STX6: variants seen among roughly 807,000 people sequenced by gnomAD.
The protein encoded by STX6 is syntaxin 6.
STX6 carries 23 observed loss-of-function variants against 38.0 expected under a neutral mutation model. That is an observed-to-expected ratio of 0.60 (90% CI 0.43 to 0.86). STX6 has a LOEUF of 0.86. Among genes scored for constraint, STX6 ranks in the 40% least tolerant of loss-of-function variants. The pLI is 0.00. For missense variants in STX6, 274 were observed against 312.9 expected, an observed-to-expected ratio of 0.88 and a Z score of 0.94; for synonymous variants, 123 against 107.5, an observed-to-expected ratio of 1.14 and a Z score of -0.89.
intron 7 of STX6, among the ~76,000 whole-genome samples, chr1:180,983,803 G>A (rs1255539216): frequency 5.9e-5 from 9 of 152,190 alleles, no homozygotes; most frequent in Middle Eastern, 3.4e-3. Flanking sequence ...GGTGGCTCAC[G>A]CCTGTAATCC....
chr1:180,991,373 T>A (rs536005936), intron 4 of STX6, among the ~76,000 whole-genome samples: 1 of 152,086 alleles, frequency 6.6e-6, no homozygotes, highest in Non-Finnish European at 1.5e-5. Context: ...ACTGAAAAGA[T>A]CCTGCTCATT....
intron 3 of STX6, among the ~76,000 whole-genome samples, chr1:180,995,801 C>T (rs938879754): frequency 6.6e-6 from 1 of 152,172 alleles, no homozygotes; most frequent in African/African-American, 2.4e-5. Context: ...GGGAAAGTGA[C>T]ATGTTAGCCT....
intron 7 of STX6, 114 bp from the exon 8 acceptor site, chr1:180,976,760 G>A: frequency 1.1e-6 from 1 of 950,428 alleles, no homozygotes; most frequent in Non-Finnish European, 1.6e-6. Flanking sequence ...ACGTGCAAAT[G>A]ACGGGGCCAT....
At chr1:180,993,907 T>G (rs1228286867) in intron 3 of STX6, among the ~76,000 whole-genome samples, 1 of 152,228 alleles carries the variant, frequency 6.6e-6, no homozygotes, top group Non-Finnish European at 1.5e-5. Context: ...TAAAAAACCA[T>G]GTGCTTTTAG....
chr1:181,022,108 C>T (rs1427689845), intron 1 of STX6, among the ~76,000 whole-genome samples: 1 of 151,974 alleles, frequency 6.6e-6, no homozygotes, highest in Non-Finnish European at 1.5e-5. Flanking sequence ...CCGCCCCCGC[C>T]TCCCTCCCAG....
intron 7 of STX6, among the ~76,000 whole-genome samples, chr1:180,980,151 G>A (rs1655361627): frequency 6.9e-6 from 1 of 143,932 alleles, no homozygotes; most frequent in African/African-American, 2.5e-5. Flanking sequence ...AAGTTGCAGT[G>A]AGCTGAGATC....
intron 1 of STX6, among the ~76,000 whole-genome samples, chr1:181,010,936 A>T (rs989819730): frequency 8.5e-5 from 13 of 152,204 alleles, no homozygotes; most frequent in Non-Finnish European, 1.5e-4. Context: ...GAAGTTGAGG[A>T]GTGTGCATGG....
chr1:180,981,262 T>C (rs1558086537), intron 7 of STX6, among the ~76,000 whole-genome samples: 1 of 152,132 alleles, frequency 6.6e-6, no homozygotes, highest in Non-Finnish European at 1.5e-5. Context: ...AGGGAAGTTA[T>C]GCATGGGGGA....
At chr1:181,013,710 T>G (rs1318637657) in intron 1 of STX6, among the ~76,000 whole-genome samples, 2 of 152,236 alleles carry the variant, frequency 1.3e-5, no homozygotes, top group Non-Finnish European at 2.9e-5. Flanking sequence ...TATCATGTCA[T>G]GGAGTCTGTA....
chr1:181,005,346 T>C lies in STX6; in HGVS notation c.153A>G (p.Arg51=). 6.2e-7 allele frequency: 1 copy of C among 1,614,128 alleles called. No individual in the cohort carries two copies. The highest frequency in any genetic ancestry group is 2.2e-5 in the East Asian group (1 of 44,876). The change falls in exon 2 of 8, where the codon AGA becomes AGG. Residue 51 remains arginine (R), a synonymous_variant. Transcript: ENST00000258301. ...EEIDWTTNEL[R]NNLRSIEWDL... The stretch of plus-strand genomic sequence containing the variant: ...CCCACTCTATGCTCCGGAGGTTATT[T>C]CTCAGCTCGTTGGTGGTCCAGTCGA...
rs1655807418 is a variant in STX6, at chr1:180,993,369, A to G, written c.357T>C (p.Asn119=). 1 of 1,562,412 alleles carries G rather than the reference A, an allele frequency of 6.4e-7. No individual in the cohort carries two copies. Among genetic ancestry groups the G allele is most frequent in the African/African-American group, 1.4e-5 (1 of 73,882 alleles). The change falls in exon 4 of 8, where the codon AAT becomes AAC. Residue 119 remains asparagine, a synonymous_variant. Transcript: ENST00000258301. ...TATTCTGATGTTTTCTCACCTGTCT[A>G]TTTTTTCTTTCAGCTAATGCCTGCA... ...SSVQALAERK[N]RQALLGDSGS... is the part of the protein sequence containing the mutation.
Position 181,006,740 on chromosome 1 carries a change from T to C in STX6, c.36-1277A>G, listed in dbSNP as rs1405990600. Among the ~76,000 whole-genome samples, 6 of 152,060 alleles carry C rather than the reference T, an allele frequency of 3.9e-5. No individual in the cohort carries two copies. In the South Asian group the frequency reaches 8.3e-4, roughly 21 times the overall value. On this transcript the variant is annotated intron_variant, in intron 1 of 7. Coordinates refer to ENST00000258301, the MANE Select transcript of STX6 (RefSeq NM_005819.6). ...CCTATACCCTCTGACGTTTCAAGTA[T>C]TGGAAAAAAGAAAGCGCTAACAAAA...
intron 7 of STX6, among the ~76,000 whole-genome samples, chr1:180,982,693 A>G (rs1395909237): frequency 6.6e-6 from 1 of 152,218 alleles, no homozygotes; most frequent in Non-Finnish European, 1.5e-5. Flanking sequence ...TACATACATG[A>G]GTGAGAGGCC....
intron 5 of STX6, chr1:180,988,626 G>A: frequency 3.1e-6 from 1 of 320,766 alleles, no homozygotes; most frequent in East Asian, 8.3e-5. Flanking sequence ...GTCCAATAAT[G>A]GAGCAGACAA....
At position 180,976,662 on chromosome 1, in the gene STX6, TGGGGATTAGCTCTCACAG is replaced by T. The variant is rs780927017; in HGVS notation, c.692-34_692-17del. 1 of 1,612,006 alleles carries T rather than the reference TGGGGATTAGCTCTCACAG, an allele frequency of 6.2e-7. No homozygotes were observed. Among genetic ancestry groups the T allele is most frequent in the Admixed American group, 1.7e-5 (1 of 60,018 alleles). On this transcript the variant is annotated splice_polypyrimidine_tract_variant and intron_variant, in intron 7 of 7. Coordinates refer to ENST00000258301, the MANE Select transcript of STX6 (RefSeq NM_005819.6). ...TGGCGCCGATCTGGAAGGCAGGACA[TGGGGATTAGCTCTCACAG>T]GGACTCCACATTCCCCAAGATACAG...
intron 1 of STX6, among the ~76,000 whole-genome samples, chr1:181,009,848 T>C (rs546496974): frequency 1.2e-4 from 18 of 149,566 alleles, no homozygotes; most frequent in Admixed American, 2.6e-4. Context: ...AACTAATGAG[T>C]GGATAAACTG....
At chr1:180,990,315 C>G (rs563846778) in intron 4 of STX6, among the ~76,000 whole-genome samples, 2 of 152,272 alleles carry the variant, frequency 1.3e-5, no homozygotes, top group African/African-American at 4.8e-5. Flanking sequence ...TTTAAGCTCT[C>G]CCAATAGGCC....
intron 1 of STX6, among the ~76,000 whole-genome samples, chr1:181,005,870 T>G (rs1030527518): frequency 2.6e-5 from 4 of 152,182 alleles, no homozygotes; most frequent in Non-Finnish European, 5.9e-5. Flanking sequence ...ATATGGCCTT[T>G]CTTTTCTTGG....
Position 180,990,049 on chromosome 1 carries a change from G to T in STX6, c.424C>A (p.Arg142Ser), listed in dbSNP as rs757082402. The T allele has an allele frequency of 6.2e-7, 1 of 1,614,008 alleles. No individual in the cohort carries two copies. Among genetic ancestry groups the T allele is most frequent in the Non-Finnish European group, 8.5e-7 (1 of 1,179,968 alleles). Residue 142 changes from arginine (R) to serine (S), a missense_variant, in exon 5 of 8, where the codon CGT (arginine) becomes AGT (serine). Arg to Ser is a moderately radical substitution (Grantham distance 110). Coordinates refer to ENST00000258301, the MANE Select transcript of STX6 (RefSeq NM_005819.6). ...GCTCTCTGGAGCTCTCGGTCCAGAC[G>T]CCCATATTTATCTGTTGTTCCAGTG... is the stretch of plus-strand genomic sequence containing the variant. The part of the protein sequence containing the change: ...WSTGTTDKYG[R>S]LDRELQRANS...
Sources: allele counts gnomAD v4.1 joint callset (sites outside exome capture counted in the v4.1 genomes callset), GRCh38; gene constraint gnomAD v4.1.1; transcripts MANE v1.5; gene names NCBI Gene and HGNC (gene_info 2026-07-23, HGNC 2026-07-21).